The following ANO7 variants were observed in gnomAD, a reference collection of about 807,000 sequenced individuals.
ANO7 encodes the protein anoctamin-7.
ANO7 carries 114 observed loss-of-function variants against 115.8 expected under a neutral mutation model. That is an observed-to-expected ratio of 0.98 (90% CI 0.85 to 1.15). The LOEUF (loss-of-function observed/expected upper bound fraction) is 1.15. Among genes scored for constraint, ANO7 ranks in the 50% most tolerant of loss-of-function variants. The probability of loss-of-function intolerance (pLI) is 0.00; values close to 1 mark genes in which losing one functional copy is unlikely to be tolerated. For missense variants in ANO7, 1,302 were observed against 1,201.2 expected, an observed-to-expected ratio of 1.08 and a Z score of -1.24; for synonymous variants, 550 against 498.2, an observed-to-expected ratio of 1.10 and a Z score of -1.38.
chr2:241,204,801 G>A (rs978721703), intron 9 of ANO7, 64 bp from the exon 10 acceptor site: 2 of 1,282,366 alleles, frequency 1.6e-6, no homozygotes, highest in South Asian at 1.2e-5. Flanking sequence ...TGGCTGTGCA[G>A]ACCCCTACCT....
At chr2:241,193,836 T>C (rs2068258166) in intron 3 of ANO7, among the ~76,000 whole-genome samples, 1 of 152,206 alleles carries the variant, frequency 6.6e-6, no homozygotes, top group South Asian at 2.1e-4. Context: ...ATATGGTATT[T>C]TCTCCATTTA....
intron 21 of ANO7, among the ~76,000 whole-genome samples, chr2:241,220,503 C>T (rs1286423602): frequency 6.6e-6 from 1 of 152,028 alleles, no homozygotes; most frequent in East Asian, 1.9e-4. Flanking sequence ...TCGAGACCAG[C>T]CTGACCAACA....
chr2:241,227,595 G>C (rs1406904498), downstream of ANO7: 1 of 152,666 alleles, frequency 6.6e-6, no homozygotes, highest in Non-Finnish European at 1.5e-5. Context: ...GCGCTGAACA[G>C]TTTAGGAAAG....
chr2:241,217,066 C>T (rs1013710872), intron 19 of ANO7, among the ~76,000 whole-genome samples: 1 of 152,202 alleles, frequency 6.6e-6, no homozygotes, highest in Non-Finnish European at 1.5e-5. Flanking sequence ...CTCCTGACCT[C>T]AGGTGATCCA....
chr2:241,220,952 C>T (rs1406356377), intron 21 of ANO7, among the ~76,000 whole-genome samples: 1 of 149,064 alleles, frequency 6.7e-6, no homozygotes, highest in African/African-American at 2.5e-5. Flanking sequence ...GCCTGGGCAA[C>T]AGAATGAGAC....
Position 241,201,317 on chromosome 2 carries a change from C to T in ANO7, c.574C>T (p.Gln192Ter), listed in dbSNP as rs775518191. The T allele has an allele frequency of 2.2e-5, 36 of 1,613,260 alleles. No individual in the cohort carries two copies. In the Admixed American group the frequency reaches 5.8e-4, roughly 26 times the overall value. The stretch of plus-strand genomic sequence containing the variant: ...CCACAGCTTCCTCGGGAGTGACAAC[C>T]AGGACACCTTCTTCACAAGCACCAA... Reference protein sequence around the residue: ...KLPRFLGSDNQDTFFTSTKRH... With the variant: ...KLPRFLGSDN Residue 192 changes from glutamine to a stop codon, truncating the protein, a stop_gained, in exon 7 of 25, where the codon CAG becomes TAG. Coordinates refer to ENST00000674324, the MANE Select transcript of ANO7 (RefSeq NM_001370694.2). LOFTEE classifies it high-confidence loss of function.
At chr2:241,199,284 T>C (rs1262933103) in intron 4 of ANO7, 32 bp from the exon 5 acceptor site, 2 of 1,584,618 alleles carry the variant, frequency 1.3e-6, no homozygotes. Flanking sequence ...ACATGCACCC[T>C]CAGGCTCTCA....
intron 3 of ANO7, 105 bp downstream of exon 3, chr2:241,191,356 C>A (rs537451232): frequency 2.1e-6 from 3 of 1,406,606 alleles, no homozygotes; most frequent in Non-Finnish European, 3.0e-6. Context: ...TCCTCAGTAG[C>A]CACTCTGGGG....
intron 3 of ANO7, among the ~76,000 whole-genome samples, chr2:241,194,027 C>T (rs372824592): frequency 6.0e-4 from 91 of 152,326 alleles, no homozygotes; most frequent in African/African-American, 1.9e-3. Flanking sequence ...AGGCATGTGC[C>T]ACCACGCCTG....
intron 21 of ANO7, among the ~76,000 whole-genome samples, chr2:241,219,537 G>A (rs887599362): frequency 3.3e-5 from 5 of 151,026 alleles, no homozygotes; most frequent in African/African-American, 4.9e-5. Context: ...TTATTTTAGG[G>A]GTTACTCATA....
Position 241,200,234 on chromosome 2 carries a change from G to T in ANO7, c.554+9G>T, listed in dbSNP as rs368262491. The stretch of plus-strand genomic sequence containing the variant: ...GTGAACAAGCTGCCACGGTAAGGCA[G>T]GGGCCCTGCCAGTCGGAGGAAAGAA... On this transcript the variant is annotated intron_variant, in intron 6 of 24. Transcript: ENST00000674324. 2.5e-5 allele frequency: 40 copies of T among 1,611,096 alleles called. No individual in the cohort carries two copies. The African/African-American group carries it at 4.1e-4, about 17-fold the overall frequency.
intron 10 of ANO7, 38 bp from the exon 11 acceptor site, chr2:241,207,536 C>T (rs1163075192): frequency 6.3e-7 from 1 of 1,583,386 alleles, no homozygotes; most frequent in Admixed American, 1.7e-5. Context: ...AGCCCCCCTC[C>T]CCCATTAGCT....
chr2:241,230,765 T>C, downstream of ANO7: 2 of 1,613,936 alleles, frequency 1.2e-6, no homozygotes, highest in South Asian at 1.1e-5. The surrounding 1 kb of genome is among the most constrained non-coding windows in gnomAD (Gnocchi z 5.0). Context: ...TCACCTTGAA[T>C]TCGTCCATGA....
downstream of ANO7, chr2:241,230,382 G>T: frequency 1.4e-6 from 1 of 730,200 alleles, no homozygotes; most frequent in Non-Finnish European, 2.3e-6. The surrounding 1 kb of genome is among the most constrained non-coding windows in gnomAD (Gnocchi z 5.0). Context: ...TTTAAAATCT[G>T]GTTTCAGAGT....
chr2:241,196,587 A>G (rs925018922), intron 4 of ANO7, among the ~76,000 whole-genome samples: 5 of 152,174 alleles, frequency 3.3e-5, no homozygotes, highest in Non-Finnish European at 5.9e-5. Flanking sequence ...TTTAGCGCCA[A>G]TTTTACATAA....
chr2:241,233,744 C>G, the ANO7 span: 1 of 1,561,686 alleles, frequency 6.4e-7, no homozygotes, highest in South Asian at 1.1e-5. This position sits in a 1 kb window ranked among gnomAD's most constrained non-coding sequence, Gnocchi z 4.3. Flanking sequence ...CTAGGCACAT[C>G]TGGTTACTGC....
intron 21 of ANO7, among the ~76,000 whole-genome samples, chr2:241,220,436 CT>C (rs2068983077): frequency 6.6e-6 from 1 of 152,148 alleles, no homozygotes; most frequent in South Asian, 2.1e-4. Context: ...GTACCTCATG[CT>C]TATAATCCCA....
chr2:241,200,425 G>T (rs947294404), intron 6 of ANO7, among the ~76,000 whole-genome samples, 200 bp downstream of exon 6: 1 of 152,252 alleles, frequency 6.6e-6, no homozygotes, highest in Non-Finnish European at 1.5e-5. Context: ...CGGTTGTGCT[G>T]CAGGACAGAT....
rs767406598 is a variant in ANO7, at chr2:241,224,115, C to G, written c.2602C>G (p.Pro868Ala). ...TCCCCAGCTCAGCTCCCACTGGACA[C>G]CCTTCACGGTTCCCAAGGCCAGCCA... ...EGSELSSHWTPFTVPKASQLQ... is the reference protein window; with the variant it reads ...EGSELSSHWTAFTVPKASQLQ... The change falls in exon 25 of 25, where the codon CCC becomes GCC. Residue 868 changes from proline (P) to alanine (A), a missense_variant. Pro to Ala is a conservative substitution (Grantham distance 27). Coordinates refer to ENST00000674324, the MANE Select transcript of ANO7 (RefSeq NM_001370694.2). The G allele has an allele frequency of 1.9e-6, 3 of 1,613,988 alleles. No homozygotes were observed. Among genetic ancestry groups the G allele is most frequent in the Non-Finnish European group, 2.5e-6 (3 of 1,180,028 alleles).
Sources: gnomAD v4.1 joint callset for allele counts (sites outside exome capture counted in the v4.1 genomes callset) on GRCh38, gnomAD v4.1.1 for gene constraint, Gnocchi (gnomAD v3.1) non-coding constraint, MANE v1.5 for transcripts, NCBI Gene and HGNC (gene_info 2026-07-23, HGNC 2026-07-21) for gene names.